MICAL3: variants seen among roughly 807,000 people sequenced by gnomAD.
MICAL3 encodes microtubule associated monooxygenase, calponin and LIM domain containing 3.
Under a neutral mutation model 207.4 loss-of-function variants are expected in MICAL3, and 62 were observed. That is an observed-to-expected ratio of 0.30 (90% CI 0.24 to 0.37). The LOEUF (loss-of-function observed/expected upper bound fraction) is 0.37. Among genes scored for constraint, MICAL3 ranks in the 10% least tolerant of loss-of-function variants. The pLI, the probability that MICAL3 is intolerant of heterozygous loss-of-function variation, is 1.00. For synonymous variants in MICAL3, 1,077 were observed against 1,069.3 expected (o/e 1.01, Z -0.14); for missense variants, 2,368 against 2,635.6 (o/e 0.90, Z 2.22).
chr22:17,788,219 C>G lies in MICAL3; in HGVS notation c.*2513G>C, dbSNP rs1281231705. On this transcript the variant is annotated 3_prime_UTR_variant, in exon 32 of 32. Transcript: ENST00000441493. ...GTGCTCTACTAGAACTGGGTGTCCT[C>G]ACAGTCGGGAGCAGAAGGCTGGGGC... is the stretch of plus-strand genomic sequence containing the variant. 6.6e-6 allele frequency: 1 copy of G among 152,294 alleles called. No homozygotes were observed. The highest frequency in any genetic ancestry group is 1.5e-5 in the Non-Finnish European group (1 of 68,060). The allele number at this position is 152,294 out of a possible 1,614,324, so 9.4% of individuals were successfully genotyped here.
chr22:17,834,070 C>T (rs532913871), intron 20 of MICAL3, among the ~76,000 whole-genome samples: 154 of 152,290 alleles, frequency 1.0e-3, no homozygotes, highest in Non-Finnish European at 1.9e-3. Flanking sequence ...TGGGAGACTC[C>T]GGAATTCGCC....
intron 1 of MICAL3, among the ~76,000 whole-genome samples, chr22:17,943,687 G>A (rs1020245845): frequency 1.3e-5 from 2 of 152,228 alleles, no homozygotes; most frequent in Middle Eastern, 3.2e-3. Flanking sequence ...TAAACTGGAG[G>A]AAACAAAAGA....
At chr22:17,972,745 T>C (rs1602322267) in intron 1 of MICAL3, among the ~76,000 whole-genome samples, 3 of 152,004 alleles carry the variant, frequency 2.0e-5, no homozygotes, top group Admixed American at 1.3e-4. Flanking sequence ...AAAAATTAAG[T>C]GCCAAGGAGG....
At position 17,789,761 on chromosome 22, in the gene MICAL3, T is replaced by C. The variant is rs936102550; in HGVS notation, c.*971A>G. On this transcript the variant is annotated 3_prime_UTR_variant, in exon 32 of 32. Transcript: ENST00000441493. ...TGTGGCTCCCGCACCCGGGCGCAGGTGATCAGTTCCTCTAGTAAAGATACA... is the reference window on the plus strand; with the variant it reads ...TGTGGCTCCCGCACCCGGGCGCAGGCGATCAGTTCCTCTAGTAAAGATACA... 5 of 152,254 alleles carry C rather than the reference T, an allele frequency of 3.3e-5. No homozygotes were observed. Among genetic ancestry groups the C allele is most frequent in the Non-Finnish European group, 7.3e-5 (5 of 68,046 alleles). 9.4% of individuals were successfully genotyped at this position (152,254 alleles called of 1,614,324 possible). A position where few individuals can be genotyped will look rare whatever the true frequency, so the allele number is the denominator to read the frequency against.
At chr22:18,019,317 T>C (rs1314915335) in intron 1 of MICAL3, 3 of 156,650 alleles carry the variant, frequency 1.9e-5, no homozygotes, top group Admixed American at 1.3e-4. Context: ...GTGATTACAG[T>C]TATCCATGGC....
intron 16 of MICAL3, among the ~76,000 whole-genome samples, chr22:17,874,210 C>T (rs544366791): frequency 1.1e-4 from 16 of 152,310 alleles, no homozygotes; most frequent in African/African-American, 3.1e-4. Flanking sequence ...GTGCCATTTG[C>T]CCATTAACTT....
intron 1 of MICAL3, among the ~76,000 whole-genome samples, chr22:18,011,696 A>C (rs936380782): frequency 6.6e-6 from 1 of 150,890 alleles, no homozygotes; most frequent in Non-Finnish European, 1.5e-5. Context: ...CGGTAAAAAT[A>C]TTACTATATT....
rs770858360 is a variant in MICAL3, at chr22:17,818,453, G to A, written c.4208C>T (p.Thr1403Ile). 1.9e-6 allele frequency: 3 copies of A among 1,612,914 alleles called. No individual in the cohort carries two copies. The highest frequency in any genetic ancestry group is 2.5e-6 in the Non-Finnish European group (3 of 1,179,902). Residue 1403 changes from threonine to isoleucine, a missense_variant, in exon 26 of 32, where the codon ACC (threonine) becomes ATC (isoleucine). Thr to Ile is a moderately conservative substitution (Grantham distance 89). Transcript: ENST00000441493. ...KPEGEPLSLP[T>I]PRSPSDRELR... Reference sequence around the variant, plus strand: ...CTCTCTGTCGGACGGGGACCGGGGGGTTGGCAGGGACAACGGCTCGCCTTC... The same window carrying A: ...CTCTCTGTCGGACGGGGACCGGGGGATTGGCAGGGACAACGGCTCGCCTTC...
intron 1 of MICAL3, among the ~76,000 whole-genome samples, chr22:18,009,065 T>G (rs1297391922): frequency 6.6e-6 from 1 of 151,870 alleles, no homozygotes; most frequent in Non-Finnish European, 1.5e-5. Flanking sequence ...AGCCAGAAAT[T>G]CTATGCAGTG....
chr22:17,960,357 T>G (rs1267045431), intron 1 of MICAL3, among the ~76,000 whole-genome samples: 1 of 152,228 alleles, frequency 6.6e-6, no homozygotes, highest in African/African-American at 2.4e-5. Context: ...TAGGACATAA[T>G]GGATGCAGAA....
chr22:17,862,426 A>AT (rs1602080331), intron 19 of MICAL3: 2 of 468,742 alleles, frequency 4.3e-6, no homozygotes, highest in Non-Finnish European at 2.8e-6. Flanking sequence ...CACCCGGCTA[A>AT]TTTTTTTGTA....
intron 1 of MICAL3, among the ~76,000 whole-genome samples, chr22:17,973,266 G>T (rs911263921): frequency 2.6e-5 from 4 of 152,174 alleles, no homozygotes; most frequent in African/African-American, 7.2e-5. Context: ...AAACAAAGGT[G>T]GGGGGAGCCT....
chr22:17,863,464 G>A, intron 19 of MICAL3: 1 of 985,462 alleles, frequency 1.0e-6, no homozygotes. Flanking sequence ...CATGCTCTGA[G>A]AGTGTCAGCT....
rs752680339 is a variant in MICAL3, at chr22:17,793,472, A to G, written c.5651-2171T>C. ...CTTAAAGCCCCAGCCACGAAGGGCC[A>G]GCCAATGCTGCAGCCCTGAAGGACC... On this transcript the variant is annotated intron_variant, in intron 29 of 31. Transcript: ENST00000441493. The surrounding 1 kb of genome is among the most constrained non-coding windows in gnomAD (Gnocchi z 4.1). 6.6e-6 allele frequency among the ~76,000 whole-genome samples: 1 copy of G among 152,198 alleles called. No homozygotes were observed. The highest frequency in any genetic ancestry group is 1.5e-5 in the Non-Finnish European group (1 of 68,030).
At chr22:17,952,692 C>T (rs1176863245) in intron 1 of MICAL3, among the ~76,000 whole-genome samples, 1 of 149,666 alleles carries the variant, frequency 6.7e-6, no homozygotes, top group African/African-American at 2.6e-5. Context: ...GAGGTCCACA[C>T]AGGCGGGGCG....
At chr22:17,944,358 G>C (rs1157919255) in intron 1 of MICAL3, among the ~76,000 whole-genome samples, 1 of 151,986 alleles carries the variant, frequency 6.6e-6, no homozygotes, top group Non-Finnish European at 1.5e-5. Flanking sequence ...GGGGGTGGCA[G>C]TAGGAGAGGG....
At chr22:17,909,959 T>C (rs1428792775) in intron 1 of MICAL3, among the ~76,000 whole-genome samples, 2 of 152,228 alleles carry the variant, frequency 1.3e-5, no homozygotes, top group African/African-American at 4.8e-5. Flanking sequence ...ATCCTGACCC[T>C]GTGTGCCCTG....
chr22:17,967,081 G>A (rs1401501195), intron 1 of MICAL3, among the ~76,000 whole-genome samples: 2 of 152,180 alleles, frequency 1.3e-5, no homozygotes, highest in Non-Finnish European at 2.9e-5. Context: ...CCATGGACAA[G>A]GGCCACCATC....
chr22:17,964,638 C>G (rs1396660206), intron 1 of MICAL3, among the ~76,000 whole-genome samples: 1 of 152,190 alleles, frequency 6.6e-6, no homozygotes, highest in African/African-American at 2.4e-5. Context: ...AACCCTCTGA[C>G]AGAAAGTTTC....
Sources: allele counts gnomAD v4.1 joint callset (sites outside exome capture counted in the v4.1 genomes callset), GRCh38; gene constraint gnomAD v4.1.1; non-coding constraint Gnocchi (gnomAD v3.1); transcripts MANE v1.5; gene names NCBI Gene and HGNC (gene_info 2026-07-23, HGNC 2026-07-21).